The following MAT2A variants were observed in gnomAD, a reference collection of about 807,000 sequenced individuals.
MAT2A encodes the protein S-adenosylmethionine synthase isoform type-2.
In MAT2A, 3 loss-of-function variants were observed where a neutral mutation model predicts 43.9. That is an observed-to-expected ratio of 0.07 (90% CI 0.03 to 0.18). The LOEUF is 0.18. Ranked by LOEUF, MAT2A falls within the 10% of genes least tolerant of loss-of-function variation. The pLI, the probability that MAT2A is intolerant of heterozygous loss-of-function variation, is 1.00. For missense variants in MAT2A, 204 were observed against 489.0 expected (o/e 0.42, Z 5.50); for synonymous variants, 200 against 168.4 (o/e 1.19, Z -1.45).
chr2:85,541,810 G>T lies in MAT2A; in HGVS notation c.406-19G>T. ...TAAATTCTGGAGCTTGATCACATTG[G>T]TGACTTTTCTTTCTTTAGGGCTTAA... is the stretch of plus-strand genomic sequence containing the variant. On this transcript the variant is annotated intron_variant, in intron 4 of 8. Coordinates refer to ENST00000306434, the MANE Select transcript of MAT2A (RefSeq NM_005911.6). 10 of 1,613,830 alleles carry T rather than the reference G, an allele frequency of 6.2e-6. No homozygotes were observed. Among genetic ancestry groups the T allele is most frequent in the Non-Finnish European group, 7.6e-6 (9 of 1,179,784 alleles).
rs1332610859 is a variant in MAT2A, at chr2:85,539,564, T to TGAGGA, written c.91+186_91+187insGAGGA. The TGAGGA allele has an allele frequency of 2.1e-5, 10 of 480,766 alleles. No homozygotes were observed. The African/African-American group carries it at 2.1e-4, about 10-fold the overall frequency. The allele number at this position is 480,766 out of a possible 1,614,324, so 29.8% of individuals were successfully genotyped here. On this transcript the variant is annotated intron_variant, in intron 1 of 8. Coordinates refer to ENST00000306434, the MANE Select transcript of MAT2A (RefSeq NM_005911.6). ...CCTGGCGCGTGGCCGCCGCTCCTCT[T>TGAGGA]CCCCCTCCCCTCTCCACCCTTCCCT...
At chr2:85,541,435 A>G in intron 3 of MAT2A, 58 bp downstream of exon 3, 1 of 1,583,254 alleles carries the variant, frequency 6.3e-7, no homozygotes, top group Admixed American at 1.8e-5. Context: ...GGTTTGAAGA[A>G]ACTCCTAGAA....
intron 1 of MAT2A, 50 bp from the exon 2 acceptor site, chr2:85,541,033 A>T (rs180812270): frequency 3.3e-5 from 44 of 1,327,074 alleles, no homozygotes; most frequent in Middle Eastern, 3.7e-4. Flanking sequence ...ACATACATAC[A>T]TACTTTGTTT....
rs1278165339 is a variant in MAT2A, at chr2:85,544,396, A to G, written c.*624A>G. ...CATCAAAAAAGGCAGTTACCATTAA[A>G]CCATCTCCCTGGTGCTTATGCTCTT... is the stretch of plus-strand genomic sequence containing the variant. On this transcript the variant is annotated 3_prime_UTR_variant, in exon 9 of 9. Coordinates refer to ENST00000306434, the MANE Select transcript of MAT2A (RefSeq NM_005911.6). 1 of 152,644 alleles carries G rather than the reference A, an allele frequency of 6.6e-6. No individual in the cohort carries two copies. The highest frequency in any genetic ancestry group is 1.5e-5 in the Non-Finnish European group (1 of 68,048). The allele number at this position is 152,644 out of a possible 1,614,324, so 9.5% of individuals were successfully genotyped here. A position where few individuals can be genotyped will look rare whatever the true frequency, so the allele number is the denominator to read the frequency against.
Position 85,541,554 on chromosome 2 carries a change from T to C in MAT2A, c.293-79T>C, listed in dbSNP as rs72940559. The C allele has an allele frequency of 1.9e-3, 2,460 of 1,322,434 alleles. 44 individuals carry two copies. The African/African-American group carries it at 0.033, about 17-fold the overall frequency. The allele number at this position is 1,322,434 out of a possible 1,614,324, so 81.9% of individuals were successfully genotyped here. On this transcript the variant is annotated intron_variant, in intron 3 of 8. Transcript: ENST00000306434. ...TAGGTATATTTGATTTCTTCAGCAG[T>C]GTTTAGAATTCCAGATAATTGCTGT...
At chr2:85,542,022 G>T in intron 5 of MAT2A, 50 bp downstream of exon 5, 1 of 1,601,026 alleles carries the variant, frequency 6.2e-7, no homozygotes, top group Non-Finnish European at 8.5e-7. Context: ...CATCAGCACA[G>T]AAGATCCATA....
chr2:85,540,549 G>T (rs1691448585), intron 1 of MAT2A, among the ~76,000 whole-genome samples: 1 of 152,188 alleles, frequency 6.6e-6, no homozygotes, highest in South Asian at 2.1e-4. Flanking sequence ...GGAGATATTT[G>T]TTCTCCCTCC....
At chr2:85,543,085 G>C in intron 8 of MAT2A, 51 bp downstream of exon 8, 1 of 1,593,812 alleles carries the variant, frequency 6.3e-7, no homozygotes, top group Non-Finnish European at 8.5e-7. Context: ...TGTTGGGTGT[G>C]TGTGTATATA....
In MAT2A at chr2:85,539,304, A is replaced by T. The variant is rs779310038; in HGVS notation, c.17A>T (p.Asn6Ile). ...GACACCAACATGAACGGACAGCTCA[A>T]CGGCTTCCACGAGGCGTTCATCGAG... MNGQL[N>I]GFHEAFIEEG... Residue 6 changes from asparagine (N) to isoleucine (I), a missense_variant, in exon 1 of 9, where the codon AAC becomes ATC. By Grantham distance (149) the Asn-to-Ile change is moderately radical. Around this residue, in one of 6 missense-constraint regions of MAT2A, gnomAD observed 36 missense variants for 24.2 expected, o/e 1.49. Transcript: ENST00000306434. The T allele has an allele frequency of 6.2e-7, 1 of 1,605,590 alleles. No individual in the cohort carries two copies. Among genetic ancestry groups the T allele is most frequent in the Non-Finnish European group, 8.5e-7 (1 of 1,176,578 alleles).
chr2:85,539,658 G>A (rs1691410245), intron 1 of MAT2A: 1 of 304,462 alleles, frequency 3.3e-6, no homozygotes, highest in African/African-American at 2.2e-5. Context: ...TGAAGGGCGG[G>A]GGCTGTGGTC....
At position 85,541,195 on chromosome 2, in the gene MAT2A, G is replaced by A. The variant is rs373778527; in HGVS notation, c.169+35G>A. ...GAATGTGCTTATCAACTGGTGGAAA[G>A]ATAGCATAAAAATTATTTTTATAGA... On this transcript the variant is annotated intron_variant, in intron 2 of 8. Coordinates refer to ENST00000306434, the MANE Select transcript of MAT2A (RefSeq NM_005911.6). The A allele has an allele frequency of 1.9e-6, 3 of 1,612,158 alleles. No homozygotes were observed. In the African/African-American group the frequency reaches 4.0e-5, roughly 22 times the overall value.
intron 6 of MAT2A, 56 bp from the exon 7 acceptor site, chr2:85,542,509 A>T: frequency 6.4e-7 from 1 of 1,556,440 alleles, no homozygotes; most frequent in Non-Finnish European, 8.8e-7. Context: ...AGAATAGGCA[A>T]CCTAATCCAC....
At chr2:85,540,227 C>T (rs1691437116) in intron 1 of MAT2A, among the ~76,000 whole-genome samples, 1 of 152,224 alleles carries the variant, frequency 6.6e-6, no homozygotes, top group Non-Finnish European at 1.5e-5. Flanking sequence ...AACTGAAAAT[C>T]TCAGCCTGAG....
At chr2:85,542,417 T>G in intron 6 of MAT2A, 44 bp downstream of exon 6, 1 of 1,592,134 alleles carries the variant, frequency 6.3e-7, no homozygotes, top group Non-Finnish European at 8.6e-7. Flanking sequence ...TGATGGTTAC[T>G]TAAAATTTTG....
intron 1 of MAT2A, 179 bp downstream of exon 1, chr2:85,539,557 C>T (rs1691403777): frequency 4.1e-6 from 2 of 485,556 alleles, no homozygotes; most frequent in South Asian, 3.0e-5. Context: ...GTGGCCGCCG[C>T]TCCTCTTCCC....
At chr2:85,539,961 T>TACGCAC (rs1691422618) in intron 1 of MAT2A, 1 of 152,432 alleles carries the variant, frequency 6.6e-6, no homozygotes, top group African/African-American at 2.4e-5. Context: ...CACTGGAGAA[T>TACGCAC]ACGCACATGC....
At position 85,539,342 on chromosome 2, in the gene MAT2A, C is replaced by A; in HGVS notation, c.55C>A (p.Leu19Ile). The A allele has an allele frequency of 6.2e-7, 1 of 1,606,522 alleles. No individual in the cohort carries two copies. Among genetic ancestry groups the A allele is most frequent in the Non-Finnish European group, 8.5e-7 (1 of 1,177,032 alleles). The change falls in exon 1 of 9, where the codon CTT (leucine) becomes ATT (isoleucine). Residue 19 changes from leucine (L) to isoleucine (I), a missense_variant. Physicochemically the swap from Leu to Ile is conservative, Grantham distance 5 (BLOSUM62 2). This residue lies in a region of MAT2A where 36 missense variants were observed against 24.2 expected (regional missense o/e 1.49). Transcript: ENST00000306434. ...HEAFIEEGTF[L>I]FTSESVGEGH... is the part of the protein sequence containing the mutation. Reference sequence around the variant, plus strand: ...GGCGTTCATCGAGGAGGGCACATTCCTTTTCACCTCAGAGTCGGTCGGGGA... The same window carrying A: ...GGCGTTCATCGAGGAGGGCACATTCATTTTCACCTCAGAGTCGGTCGGGGA...
In MAT2A at chr2:85,541,328, A is replaced by G. The variant is rs1459682636; in HGVS notation, c.243A>G (p.Lys81=). 3.1e-6 allele frequency: 5 copies of G among 1,614,072 alleles called. No individual in the cohort carries two copies. The East Asian group carries it at 1.1e-4, about 36-fold the overall frequency. Residue 81 remains lysine, a synonymous_variant, in exon 3 of 9, where the codon AAA becomes AAG. Coordinates refer to ENST00000306434, the MANE Select transcript of MAT2A (RefSeq NM_005911.6). The part of the protein sequence containing the change: ...ITSRAAVDYQ[K]VVREAVKHIG... ...CCAGAGCTGCTGTTGACTACCAGAA[A>G]GTGGTTCGTGAAGCTGTTAAACACA...
At chr2:85,540,703 T>C (rs1397481585) in intron 1 of MAT2A, among the ~76,000 whole-genome samples, 1 of 152,208 alleles carries the variant, frequency 6.6e-6, no homozygotes, top group African/African-American at 2.4e-5. Context: ...TTTCATTTAA[T>C]TGTTTAATCG....
Sources: allele counts gnomAD v4.1 joint callset (sites outside exome capture counted in the v4.1 genomes callset), GRCh38; gene constraint gnomAD v4.1.1; regional missense constraint gnomAD v4.1.1; transcripts MANE v1.5; gene names NCBI Gene and HGNC (gene_info 2026-07-23, HGNC 2026-07-21).